Variants in FLI1 observed in about 807,000 individuals in gnomAD.
FLI1 encodes Friend leukemia integration 1 transcription factor.
Under a neutral mutation model 53.1 loss-of-function variants are expected in FLI1, and 13 were observed. That is an observed-to-expected ratio of 0.24 (90% confidence interval 0.16 to 0.39). The LOEUF (loss-of-function observed/expected upper bound fraction) is 0.39, where lower values mean the gene tolerates loss of function less well. Among genes scored for constraint, FLI1 ranks in the 10% least tolerant of loss-of-function variants. FLI1 has a pLI of 1.00. For missense variants in FLI1, 424 were observed against 600.5 expected (o/e 0.71, Z 3.07); for synonymous variants, 244 against 236.7 (o/e 1.03, Z -0.28).
intron 8 of FLI1, among the ~76,000 whole-genome samples, chr11:128,809,518 A>G (rs582825): frequency 0.25 from 38,772 of 152,162 alleles, 5,418 homozygotes; most frequent in Non-Finnish European, 0.32. Context: ...GCAAGAAAGA[A>G]AAGAAGACAA....
At chr11:128,693,287 G>T (rs1937836842), upstream of FLI1, 1 of 152,294 alleles carries the variant, frequency 6.6e-6, no homozygotes, top group Non-Finnish European at 1.5e-5. Flanking sequence ...GCCCGGAATG[G>T]AGTCCGCGCC....
At chr11:128,766,422 T>C (rs535941260) in intron 2 of FLI1, among the ~76,000 whole-genome samples, 29 of 152,278 alleles carry the variant, frequency 1.9e-4, no homozygotes, top group African/African-American at 6.7e-4. Context: ...GTGTGAGTTA[T>C]ACATCTTATT....
chr11:128,772,947 C>G lies in FLI1; in HGVS notation c.551C>G (p.Thr184Arg). 6.2e-7 allele frequency: 1 copy of G among 1,613,982 alleles called. No individual in the cohort carries two copies. Among genetic ancestry groups the G allele is most frequent in the South Asian group, 1.1e-5 (1 of 91,082 alleles). Reference protein sequence around the residue: ...DFLRATTLYNTEVLLSHLSYL... With the variant: ...DFLRATTLYNREVLLSHLSYL... ...CTCCGCGCCACCACCCTCTACAACA[C>G]GGAAGTGCTGTTGTCACACCTCAGT... is the stretch of plus-strand genomic sequence containing the variant. The change falls in exon 4 of 9, where the codon ACG becomes AGG. Residue 184 changes from threonine to arginine, a missense_variant. Thr to Arg is a moderately conservative substitution (Grantham distance 71). Transcript: ENST00000527786.
intron 5 of FLI1, among the ~76,000 whole-genome samples, chr11:128,800,117 C>A (rs1049631067): frequency 1.3e-5 from 2 of 152,154 alleles, no homozygotes; most frequent in African/African-American, 4.8e-5. Flanking sequence ...TTCTCCTGTG[C>A]ATCCTCACTC....
At chr11:128,776,026 A>G (rs938110736) in intron 4 of FLI1, among the ~76,000 whole-genome samples, 2 of 152,244 alleles carry the variant, frequency 1.3e-5, no homozygotes, top group Non-Finnish European at 2.9e-5. Flanking sequence ...AAAACTTCAT[A>G]GGATAAGAAG....
intron 5 of FLI1, chr11:128,805,062 G>T: frequency 3.3e-6 from 1 of 302,546 alleles, no homozygotes; most frequent in Non-Finnish European, 6.0e-6. Context: ...GCCCAGAGGA[G>T]ACTTTTGATT....
rs117042198 is a variant in FLI1 at position 128,763,597 on chromosome 11, G to A, written c.231-4521G>A. 3.3e-5 allele frequency among the ~76,000 whole-genome samples: 5 copies of A among 152,306 alleles called. No homozygotes were observed. The East Asian group carries it at 7.7e-4, about 23-fold the overall frequency. ...GAAATTCCCTGGCCTGGCCCCCAGG[G>A]TCTGGATGCCCTGGACACCTAGGGA... is the stretch of plus-strand genomic sequence containing the variant. On this transcript the variant is annotated intron_variant, in intron 2 of 8. Coordinates refer to ENST00000527786, the MANE Select transcript of FLI1 (RefSeq NM_002017.5).
At chr11:128,759,263 G>A (rs1345734732) in intron 2 of FLI1, among the ~76,000 whole-genome samples, 1 of 152,212 alleles carries the variant, frequency 6.6e-6, no homozygotes, top group Non-Finnish European at 1.5e-5. Context: ...GCCCTGAATG[G>A]CAGGCTGAAA....
At chr11:128,730,546 C>T (rs1196971352) in intron 1 of FLI1, among the ~76,000 whole-genome samples, 1 of 152,212 alleles carries the variant, frequency 6.6e-6, no homozygotes, top group African/African-American at 2.4e-5. Flanking sequence ...GGCTCTGGAA[C>T]AGACACATGT....
intron 1 of FLI1, among the ~76,000 whole-genome samples, chr11:128,710,806 A>G (rs756237660): frequency 1.3e-5 from 2 of 152,236 alleles, no homozygotes; most frequent in Non-Finnish European, 2.9e-5. Flanking sequence ...TATGGGAGCA[A>G]TAGTATTTTA....
intron 1 of FLI1, among the ~76,000 whole-genome samples, chr11:128,732,880 G>C (rs1369066549): frequency 6.6e-6 from 1 of 152,212 alleles, no homozygotes; most frequent in Non-Finnish European, 1.5e-5. Flanking sequence ...TTGTGGCAGA[G>C]AAAGAGAGGA....
chr11:128,718,065 A>G (rs920682052), intron 1 of FLI1, among the ~76,000 whole-genome samples: 2 of 152,212 alleles, frequency 1.3e-5, no homozygotes, highest in Non-Finnish European at 2.9e-5. Flanking sequence ...GCATCCCCAG[A>G]AAACTCTACA....
chr11:128,788,875 A>G lies in FLI1; in HGVS notation c.655+6852A>G, dbSNP rs200948986. On this transcript the variant is annotated intron_variant, in intron 5 of 8. Transcript: ENST00000527786. ...GAATACCAGGCTGAGCCCTAAAACC[A>G]TGGTGAACACAGCACACTACCTACC... is the stretch of plus-strand genomic sequence containing the variant. Among the ~76,000 whole-genome samples the G allele has an allele frequency of 1.2e-4, 19 of 152,290 alleles. No individual in the cohort carries two copies. In the East Asian group the frequency reaches 2.9e-3, roughly 23 times the overall value.
Position 128,810,464 on chromosome 11 carries a change from G to A in FLI1, c.835G>A (p.Gly279Arg). The change falls in exon 9 of 9, where the codon GGG becomes AGG. Residue 279 changes from glycine (G) to arginine (R), a missense_variant. Transcript: ENST00000527786. The surrounding 1 kb of genome is among the most constrained non-coding windows in gnomAD (Gnocchi z 6.6). ...GTTTGCCTCACGGCGTGCAGGAAGC[G>A]GGCAGATCCAGCTGTGGCAATTCCT... is the stretch of plus-strand genomic sequence containing the variant. ...TSSRLANPGSGQIQLWQFLLE... is the reference protein window; with the variant it reads ...TSSRLANPGSRQIQLWQFLLE... 2 of 1,592,548 alleles carry A rather than the reference G, an allele frequency of 1.3e-6. No homozygotes were observed. Among genetic ancestry groups the A allele is most frequent in the Non-Finnish European group, 1.7e-6 (2 of 1,169,090 alleles).
rs532846047 is a variant in FLI1 at position 128,732,917 on chromosome 11, C to T, written c.19-25198C>T. Among the ~76,000 whole-genome samples, 14 of 152,304 alleles carry T rather than the reference C, an allele frequency of 9.2e-5. No homozygotes were observed. In the South Asian group the frequency reaches 2.9e-3, roughly 32 times the overall value. On this transcript the variant is annotated intron_variant, in intron 1 of 8. Transcript: ENST00000527786. ...AAATCAGATCTAGAGAAGTAGAGTC[C>T]TTCAGCGACTTGCAATAGTGGCTCT...
At chr11:128,715,959 T>C (rs1052223909) in intron 1 of FLI1, among the ~76,000 whole-genome samples, 1 of 152,188 alleles carries the variant, frequency 6.6e-6, no homozygotes, top group Admixed American at 6.5e-5. Flanking sequence ...AGGCACAGAT[T>C]TCCCTGCAGG....
chr11:128,784,192 T>A (rs1942011344), intron 5 of FLI1, among the ~76,000 whole-genome samples: 1 of 151,488 alleles, frequency 6.6e-6, no homozygotes. Flanking sequence ...GAAACTGGTT[T>A]AGCCAAGTTG....
intron 1 of FLI1, among the ~76,000 whole-genome samples, chr11:128,698,007 G>A (rs755437568): frequency 9.4e-5 from 13 of 138,196 alleles, no homozygotes; most frequent in Non-Finnish European, 1.6e-4. Flanking sequence ...AGTCACAGTC[G>A]GGCAGAGGCA....
chr11:128,711,593 G>A (rs1938786489), intron 1 of FLI1, among the ~76,000 whole-genome samples: 1 of 152,158 alleles, frequency 6.6e-6, no homozygotes, highest in Non-Finnish European at 1.5e-5. Context: ...ATCAAAGAAA[G>A]GTATGGGCTT....
Sources: allele counts gnomAD v4.1 joint callset (sites outside exome capture counted in the v4.1 genomes callset), GRCh38; gene constraint gnomAD v4.1.1; non-coding constraint Gnocchi (gnomAD v3.1); transcripts MANE v1.5; gene names NCBI Gene and HGNC (gene_info 2026-07-23, HGNC 2026-07-21).